Variants in MTMR3 observed in about 807,000 individuals in gnomAD.
MTMR3 encodes phosphatidylinositol-3,5-bisphosphate 3-phosphatase MTMR3.
Under a neutral mutation model 132.4 loss-of-function variants are expected in MTMR3, and 32 were observed. That is an observed-to-expected ratio of 0.24 (90% CI 0.18 to 0.32). MTMR3 has a LOEUF of 0.32. Among genes scored for constraint, MTMR3 ranks in the 10% least tolerant of loss-of-function variants. The pLI is 1.00. For synonymous variants in MTMR3, 556 were observed against 550.3 expected, an observed-to-expected ratio of 1.01 and a Z score of -0.14; for missense variants, 1,216 against 1,489.6, an observed-to-expected ratio of 0.82 and a Z score of 3.02.
At chr22:29,925,997 T>G (rs1156830485) in intron 1 of MTMR3, among the ~76,000 whole-genome samples, 2 of 152,210 alleles carry the variant, frequency 1.3e-5, no homozygotes, top group Non-Finnish European at 2.9e-5. Flanking sequence ...AACTGCTATT[T>G]AATTTCAGAA....
chr22:29,906,232 T>C (rs968100876), intron 1 of MTMR3, among the ~76,000 whole-genome samples: 1 of 151,184 alleles, frequency 6.6e-6, no homozygotes, highest in African/African-American at 2.5e-5. Flanking sequence ...TGTCTCACAT[T>C]TATCCATCCA....
chr22:29,971,164 TAAG>T, intron 3 of MTMR3, 102 bp downstream of exon 3: 2 of 1,221,492 alleles, frequency 1.6e-6, no homozygotes, highest in Non-Finnish European at 2.3e-6. Flanking sequence ...TTTGTTTTTG[TAAG>T]AAATTATTTC....
At chr22:29,948,984 A>G (rs1008703347) in intron 1 of MTMR3, among the ~76,000 whole-genome samples, 1 of 151,758 alleles carries the variant, frequency 6.6e-6, no homozygotes, top group Non-Finnish European at 1.5e-5. Flanking sequence ...TGTAGTCCCA[A>G]CTACTCAGGA....
chr22:29,909,365 A>G (rs1319175145), intron 1 of MTMR3, among the ~76,000 whole-genome samples: 1 of 151,956 alleles, frequency 6.6e-6, no homozygotes, highest in Non-Finnish European at 1.5e-5. Context: ...TGCCTTTTTG[A>G]GATTGAGTGC....
At chr22:29,941,459 C>G (rs1336948865) in intron 1 of MTMR3, among the ~76,000 whole-genome samples, 1 of 152,126 alleles carries the variant, frequency 6.6e-6, no homozygotes, top group Non-Finnish European at 1.5e-5. Context: ...TAAATGTATG[C>G]TTAACCTCAT....
At chr22:29,938,924 C>T (rs926460665) in intron 1 of MTMR3, among the ~76,000 whole-genome samples, 13 of 152,004 alleles carry the variant, frequency 8.6e-5, no homozygotes, top group African/African-American at 2.9e-4. Context: ...CGGGTTCAAC[C>T]GATTCTCCTG....
intron 1 of MTMR3, among the ~76,000 whole-genome samples, chr22:29,911,822 G>T (rs960184789): frequency 2.6e-5 from 4 of 151,842 alleles, no homozygotes; most frequent in African/African-American, 9.7e-5. Flanking sequence ...GTTCATAATG[G>T]GTATAGAATT....
At chr22:30,003,931 C>T (rs2067224985) in intron 9 of MTMR3, 5 of 152,158 alleles carry the variant, frequency 3.3e-5, no homozygotes, top group Admixed American at 1.3e-4. Context: ...CTGAGTTGGG[C>T]CAATCCAGTG....
In MTMR3 at chr22:29,971,095, AC is replaced by A. The variant is rs756495055; in HGVS notation, c.3+34del. ...CAAGGAAATAAGAGTAAAAAAAAAA[AC>A]AAAAAACCCTGTGTCCTGACAATTA... On this transcript the variant is annotated intron_variant, in intron 3 of 19. Transcript: ENST00000401950. 3.8e-6 allele frequency: 6 copies of A among 1,579,888 alleles called. No homozygotes were observed. The African/African-American group carries it at 6.9e-5, about 18-fold the overall frequency.
intron 19 of MTMR3, chr22:30,023,409 A>C (rs2067817946): frequency 6.2e-7 from 1 of 1,609,938 alleles, no homozygotes; most frequent in Non-Finnish European, 8.5e-7. Flanking sequence ...CCAAGCCCAG[A>C]TATCTTTGGT....
At chr22:29,997,096 A>G (rs1165274216) in intron 7 of MTMR3, 1 of 152,178 alleles carries the variant, frequency 6.6e-6, no homozygotes, top group Non-Finnish European at 1.5e-5. Flanking sequence ...CCCAATTCAG[A>G]TAGTTTTTTC....
chr22:30,018,175 A>G (rs938794793), intron 16 of MTMR3, 103 bp downstream of exon 16: 1 of 1,281,554 alleles, frequency 7.8e-7, no homozygotes, highest in African/African-American at 1.5e-5. Flanking sequence ...ATCTGGCTCC[A>G]CAGTATCTTT....
rs953409214 is a variant in MTMR3 at position 30,030,731 on chromosome 22, G to A, written c.*4930G>A. ...GGACCTTAGGTCACCTACTTCCACG[G>A]TTTTCATACTGTTCTCTGGGGCCTC... On this transcript the variant is annotated 3_prime_UTR_variant, in exon 20 of 20. Coordinates refer to ENST00000401950, the MANE Select transcript of MTMR3 (RefSeq NM_021090.4). The A allele has an allele frequency of 1.3e-5, 2 of 152,018 alleles. No homozygotes were observed. Among genetic ancestry groups the A allele is most frequent in the East Asian group, 3.8e-4 (2 of 5,304 alleles). The allele number at this position is 152,018 out of a possible 1,614,324, so 9.4% of individuals were successfully genotyped here.
chr22:29,979,352 C>T (rs1349305754), intron 5 of MTMR3: 2 of 240,864 alleles, frequency 8.3e-6, no homozygotes, highest in South Asian at 4.5e-5. Flanking sequence ...ATTAGCCGGG[C>T]GTGGTGGCAG....
intron 1 of MTMR3, among the ~76,000 whole-genome samples, chr22:29,955,144 T>C (rs2066163187): frequency 6.6e-6 from 1 of 152,098 alleles, no homozygotes. Context: ...TGTGTACTGC[T>C]ATGCCCAGCT....
chr22:30,025,969 C>T lies in MTMR3; in HGVS notation c.*168C>T. ...TGGATTGTAGATTGATTTTTCTTTCCTGTCCCCCTACTCCCTCCCTACCTT... is the reference window on the plus strand; with the variant it reads ...TGGATTGTAGATTGATTTTTCTTTCTTGTCCCCCTACTCCCTCCCTACCTT... On this transcript the variant is annotated 3_prime_UTR_variant, in exon 20 of 20. Coordinates refer to ENST00000401950, the MANE Select transcript of MTMR3 (RefSeq NM_021090.4). The T allele has an allele frequency of 1.6e-6, 1 of 623,780 alleles. No homozygotes were observed. 38.6% of individuals were successfully genotyped at this position (623,780 alleles called of 1,614,324 possible). A position where few individuals can be genotyped will look rare whatever the true frequency, so the allele number is the denominator to read the frequency against.
chr22:29,939,318 C>T (rs1335194936), intron 1 of MTMR3, among the ~76,000 whole-genome samples: 1 of 152,046 alleles, frequency 6.6e-6, no homozygotes, highest in African/African-American at 2.4e-5. Context: ...AAACAAAACA[C>T]CGTGGGGCCA....
intron 1 of MTMR3, among the ~76,000 whole-genome samples, chr22:29,904,277 C>T (rs996831896): frequency 4.6e-5 from 7 of 152,154 alleles, no homozygotes; most frequent in African/African-American, 1.7e-4. Context: ...GCACGGCAGG[C>T]TGTATATTGT....
In MTMR3 at chr22:29,891,411, CAT is replaced by C. The variant is rs35113054; in HGVS notation, c.-138+8061_-138+8062del. 9.4e-5 allele frequency among the ~76,000 whole-genome samples: 14 copies of C among 148,852 alleles called. No homozygotes were observed. The South Asian group carries it at 1.5e-3, about 16-fold the overall frequency. ...ATATAATATATATGTGTATATATAA[CAT>C]ATATATATGTGTATGTATAATATGT... is the stretch of plus-strand genomic sequence containing the variant. On this transcript the variant is annotated intron_variant, in intron 1 of 19. Transcript: ENST00000401950.
Sources: gnomAD v4.1 joint callset for allele counts (sites outside exome capture counted in the v4.1 genomes callset) on GRCh38, gnomAD v4.1.1 for gene constraint, MANE v1.5 for transcripts, NCBI Gene and HGNC (gene_info 2026-07-23, HGNC 2026-07-21) for gene names.